Variants in RAD54B observed in about 807,000 individuals in gnomAD.
The protein encoded by RAD54B is RAD54 homolog B.
In RAD54B, 78 loss-of-function variants were observed where a neutral mutation model predicts 95.8. That is an observed-to-expected ratio of 0.81 (90% CI 0.68 to 0.98). The LOEUF is 0.98. RAD54B is among the 50% of genes least tolerant of loss of function. RAD54B has a pLI of 0.00. For synonymous variants in RAD54B, 328 were observed against 354.9 expected, an observed-to-expected ratio of 0.92 and a Z score of 0.85; for missense variants, 957 against 1,056.6, an observed-to-expected ratio of 0.91 and a Z score of 1.31.
chr8:94,399,318 A>G (rs1235585663), intron 8 of RAD54B, 96 bp downstream of exon 8: 1 of 950,386 alleles, frequency 1.1e-6, no homozygotes, highest in Non-Finnish European at 1.6e-6. Context: ...ATTCCATCCA[A>G]CACCACCAGT....
chr8:94,446,888 C>T (rs992791353), intron 3 of RAD54B, among the ~76,000 whole-genome samples: 11 of 151,512 alleles, frequency 7.3e-5, no homozygotes, highest in Non-Finnish European at 1.3e-4. Flanking sequence ...GAAAATTCTA[C>T]GAGGCAGATG....
chr8:94,395,496 G>C (rs1179978559), intron 8 of RAD54B, among the ~76,000 whole-genome samples: 1 of 152,116 alleles, frequency 6.6e-6, no homozygotes, highest in African/African-American at 2.4e-5. Flanking sequence ...AAACTATAGA[G>C]GAGAATACAG....
At chr8:94,458,984 TTA>T (rs1388334400) in intron 2 of RAD54B, among the ~76,000 whole-genome samples, 8 of 152,202 alleles carry the variant, frequency 5.3e-5, no homozygotes, top group Admixed American at 3.3e-4. Context: ...ATGCTTATAA[TTA>T]TAGTGTATTT....
chr8:94,470,618 T>C (rs1157560504), intron 1 of RAD54B, among the ~76,000 whole-genome samples: 2 of 142,568 alleles, frequency 1.4e-5, no homozygotes, highest in Non-Finnish European at 3.0e-5. Context: ...ATTAGCCAAG[T>C]GTGGTGGTAC....
Position 94,391,739 on chromosome 8 carries a change from C to T in RAD54B, c.1679G>A (p.Arg560Gln), listed in dbSNP as rs1388540840. 1.1e-5 allele frequency: 18 copies of T among 1,613,830 alleles called. No homozygotes were observed. The highest frequency in any genetic ancestry group is 2.2e-5 in the South Asian group (2 of 91,058). Reference protein sequence around the residue: ...RPGALQIELYRKLLNSQVVRF... With the variant: ...RPGALQIELYQKLLNSQVVRF... Reference sequence around the variant, plus strand: ...GACAACCTGAGAATTTAACAGCTTTCGATAAAGCTCAATCTGTAGTGCTCC... The same window carrying T: ...GACAACCTGAGAATTTAACAGCTTTTGATAAAGCTCAATCTGTAGTGCTCC... The change falls in exon 10 of 15, where the codon CGA becomes CAA. Residue 560 changes from arginine (R) to glutamine (Q), a missense_variant. Physicochemically the swap from Arg to Gln is conservative, Grantham distance 43. Transcript: ENST00000336148.
At chr8:94,394,049 C>G (rs76837032) in intron 8 of RAD54B, among the ~76,000 whole-genome samples, 167 bp from the exon 9 acceptor site, 6,025 of 152,206 alleles carry the variant, frequency 0.04, 154 homozygotes, top group South Asian at 0.084. Context: ...CAAGTTAAAA[C>G]ATATTAATCA....
rs747924472 is a variant in RAD54B, at chr8:94,411,333, A to C, written c.305-18T>G. 3.3e-6 allele frequency: 5 copies of C among 1,534,968 alleles called. No individual in the cohort carries two copies. The East Asian group carries it at 7.0e-5, about 21-fold the overall frequency. On this transcript the variant is annotated intron_variant, in intron 3 of 14. Transcript: ENST00000336148. ...CGAATGAACTACAATTAAAAAAAAA[A>C]CACACATTATTAAAAATGACTTTAA... is the stretch of plus-strand genomic sequence containing the variant.
At chr8:94,463,583 G>C (rs1327710801) in intron 2 of RAD54B, among the ~76,000 whole-genome samples, 1 of 151,934 alleles carries the variant, frequency 6.6e-6, no homozygotes, top group Non-Finnish European at 1.5e-5. Context: ...ATACACTCAA[G>C]AGAAATGAAA....
At chr8:94,453,124 A>C (rs950065110) in intron 3 of RAD54B, among the ~76,000 whole-genome samples, 2 of 152,208 alleles carry the variant, frequency 1.3e-5, no homozygotes, top group Non-Finnish European at 1.5e-5. Flanking sequence ...ATAGATATTT[A>C]TTGTAGCTCT....
At chr8:94,457,802 T>A (rs1021503397) in intron 3 of RAD54B, among the ~76,000 whole-genome samples, 11 of 152,222 alleles carry the variant, frequency 7.2e-5, no homozygotes, top group African/African-American at 2.7e-4. Flanking sequence ...TTAACTCAGT[T>A]CAACAATAGA....
chr8:94,462,833 T>C (rs1425577492), intron 2 of RAD54B, among the ~76,000 whole-genome samples: 1 of 152,016 alleles, frequency 6.6e-6, no homozygotes, highest in Admixed American at 6.6e-5. Flanking sequence ...AAGAAAAAAA[T>C]AGTAAATCTG....
intron 11 of RAD54B, among the ~76,000 whole-genome samples, chr8:94,384,313 G>C (rs963602471): frequency 1.3e-5 from 2 of 152,156 alleles, no homozygotes; most frequent in Non-Finnish European, 1.5e-5. Flanking sequence ...ATATTGTTTA[G>C]CCTTAAAAAG....
At position 94,393,731 on chromosome 8, in the gene RAD54B, A is replaced by C; in HGVS notation, c.1518+12T>G. On this transcript the variant is annotated intron_variant, in intron 9 of 14. Transcript: ENST00000336148. ...GGCTTTTTAAAAACCTATTTATTAG[A>C]GTAAATTATACCTCAGAAGCAGAAG... 6.5e-7 allele frequency: 1 copy of C among 1,548,510 alleles called. No individual in the cohort carries two copies. The highest frequency in any genetic ancestry group is 8.8e-7 in the Non-Finnish European group (1 of 1,132,040).
chr8:94,454,372 T>G (rs776465834), intron 3 of RAD54B, among the ~76,000 whole-genome samples: 1 of 152,172 alleles, frequency 6.6e-6, no homozygotes, highest in Non-Finnish European at 1.5e-5. Flanking sequence ...ACATTGTAAA[T>G]ATGCTAAATG....
At chr8:94,389,568 T>C (rs1810967670) in intron 10 of RAD54B, among the ~76,000 whole-genome samples, 1 of 152,240 alleles carries the variant, frequency 6.6e-6, no homozygotes, top group South Asian at 2.1e-4. Flanking sequence ...TCTGACTCCA[T>C]GTACACTTCA....
rs889541589 is a variant in RAD54B, at chr8:94,475,100, G to T, written c.-116C>A. 2.6e-5 allele frequency: 4 copies of T among 152,676 alleles called. No homozygotes were observed. The highest frequency in any genetic ancestry group is 4.8e-5 in the African/African-American group (2 of 41,470). 9.5% of individuals were successfully genotyped at this position (152,676 alleles called of 1,614,324 possible). ...AGAAGCTCAAGGATCCCGCCTCGGC[G>T]AAGCCAATCGCGGACGAGCCCGCCG... On this transcript the variant is annotated 5_prime_UTR_variant, in exon 1 of 15. Coordinates refer to ENST00000336148, the MANE Select transcript of RAD54B (RefSeq NM_012415.3).
chr8:94,465,280 C>CA (rs983072844), intron 2 of RAD54B, among the ~76,000 whole-genome samples: 33 of 151,744 alleles, frequency 2.2e-4, no homozygotes, highest in Admixed American at 1.9e-3. Flanking sequence ...ACATACAGAC[C>CA]AAAAAAAGCA....
intron 3 of RAD54B, chr8:94,429,189 C>T (rs1024100068): frequency 1.2e-6 from 1 of 835,672 alleles, no homozygotes. Flanking sequence ...CCCCTAAATG[C>T]TAATGAATTG....
chr8:94,387,116 C>T lies in RAD54B; in HGVS notation c.1853G>A (p.Ser618Asn), dbSNP rs1002817348. The T allele has an allele frequency of 4.4e-6, 7 of 1,603,536 alleles. No homozygotes were observed. The African/African-American group carries it at 9.4e-5, about 22-fold the overall frequency. ...SSTCDKNEEK[S>N]LYKGLLSVFP... ...CACACTTAGCAAGCCTTTGTATAGA[C>T]TCTTTTCTTCATTTTTATCACAAGT... The change falls in exon 11 of 15, where the codon AGT becomes AAT. Residue 618 changes from serine (S) to asparagine (N), a missense_variant. Coordinates refer to ENST00000336148, the MANE Select transcript of RAD54B (RefSeq NM_012415.3).
Sources: allele counts gnomAD v4.1 joint callset (sites outside exome capture counted in the v4.1 genomes callset), GRCh38; gene constraint gnomAD v4.1.1; transcripts MANE v1.5; gene names NCBI Gene and HGNC (gene_info 2026-07-23, HGNC 2026-07-21).